Variants in ERC2 observed in about 807,000 individuals in gnomAD.
ERC2 encodes ERC protein 2.
A neutral mutation model predicts 114.8 loss-of-function variants in ERC2; 42 were observed. The observed-to-expected ratio is 0.37, with a 90% CI of 0.29 to 0.47. The LOEUF is 0.47. ERC2 is among the 20% of genes least tolerant of loss of function. The probability of loss-of-function intolerance (pLI) is 0.99; values close to 1 mark genes in which losing one functional copy is unlikely to be tolerated. For synonymous variants in ERC2, 454 were observed against 425.5 expected (o/e 1.07, Z -0.82); for missense variants, 939 against 1,150.7 (o/e 0.82, Z 2.66).
At chr3:56,092,208 T>G (rs1340029201) in intron 6 of ERC2, among the ~76,000 whole-genome samples, 1 of 152,172 alleles carries the variant, frequency 6.6e-6, no homozygotes, top group African/African-American at 2.4e-5. Context: ...CAGTCGAGAT[T>G]TTCAGGTTGT....
At chr3:55,728,612 A>T (rs192133708) in intron 15 of ERC2, among the ~76,000 whole-genome samples, 283 of 152,298 alleles carry the variant, frequency 1.9e-3, no homozygotes, top group Admixed American at 4.7e-3. Context: ...TGATGAGTGT[A>T]ACCTGAGATT....
At chr3:56,224,056 T>A (rs1484902665) in intron 3 of ERC2, among the ~76,000 whole-genome samples, 1 of 152,242 alleles carries the variant, frequency 6.6e-6, no homozygotes, top group Admixed American at 6.5e-5. Flanking sequence ...TATATTCATA[T>A]ACTCACAGAG....
Position 56,272,818 on chromosome 3 carries a change from C to T in ERC2, c.1074+23201G>A, listed in dbSNP as rs573413215. Among the ~76,000 whole-genome samples, 10 of 152,260 alleles carry T rather than the reference C, an allele frequency of 6.6e-5. No homozygotes were observed. In the South Asian group the frequency reaches 2.1e-3, roughly 32 times the overall value. ...AGGTAAAAATGGGTAACTGCAGGAA[C>T]ATGTCTCAACCAAAGACCTAACACT... On this transcript the variant is annotated intron_variant, in intron 3 of 17. Coordinates refer to ENST00000288221, the MANE Select transcript of ERC2 (RefSeq NM_015576.3).
At chr3:56,390,036 C>A (rs1293289081) in intron 2 of ERC2, among the ~76,000 whole-genome samples, 1 of 152,036 alleles carries the variant, frequency 6.6e-6, no homozygotes, top group East Asian at 1.9e-4. Flanking sequence ...TTTTTCCATT[C>A]TAAACCAGTG....
At chr3:55,653,800 G>A (rs995674507) in intron 17 of ERC2, among the ~76,000 whole-genome samples, 1 of 152,172 alleles carries the variant, frequency 6.6e-6, no homozygotes, top group African/African-American at 2.4e-5. Flanking sequence ...GGCAGTCCAA[G>A]TCACTATTGG....
At chr3:56,396,127 G>A (rs1164703528) in intron 2 of ERC2, among the ~76,000 whole-genome samples, 1 of 152,168 alleles carries the variant, frequency 6.6e-6, no homozygotes, top group East Asian at 1.9e-4. Context: ...CAACCATTTG[G>A]AAGGCAATTT....
chr3:56,001,690 C>A (rs1560003851), intron 10 of ERC2, among the ~76,000 whole-genome samples: 1 of 152,068 alleles, frequency 6.6e-6, no homozygotes, highest in Non-Finnish European at 1.5e-5. Flanking sequence ...TTTGGTCCTA[C>A]CTATCCTGAC....
chr3:55,991,922 G>T, intron 11 of ERC2, 135 bp downstream of exon 11: 1 of 730,058 alleles, frequency 1.4e-6, no homozygotes, highest in Non-Finnish European at 2.3e-6. Context: ...TCTTTCACAG[G>T]CCATATTCCT....
intron 3 of ERC2, among the ~76,000 whole-genome samples, chr3:56,241,636 G>C (rs1269719918): frequency 1.3e-5 from 2 of 152,070 alleles, no homozygotes; most frequent in African/African-American, 4.8e-5. Flanking sequence ...ATAGATCATA[G>C]AGCTATACAT....
chr3:56,020,563 A>G (rs1274423001), intron 7 of ERC2, among the ~76,000 whole-genome samples: 1 of 152,218 alleles, frequency 6.6e-6, no homozygotes. Flanking sequence ...ATAAGTAAGA[A>G]TATGGATGGT....
At chr3:56,019,716 G>C (rs576649420) in intron 7 of ERC2, among the ~76,000 whole-genome samples, 3 of 152,088 alleles carry the variant, frequency 2.0e-5, no homozygotes, top group Admixed American at 6.6e-5. Flanking sequence ...AAATAAACAC[G>C]CCAAATAGCC....
intron 3 of ERC2, among the ~76,000 whole-genome samples, chr3:56,218,785 T>C (rs13092369): frequency 0.45 from 68,933 of 151,884 alleles, 16,092 homozygotes; most frequent in East Asian, 0.71. Flanking sequence ...GTGGCACATA[T>C]ACACCATGGA....
At chr3:55,931,468 T>C (rs571102736) in intron 13 of ERC2, among the ~76,000 whole-genome samples, 19 of 152,280 alleles carry the variant, frequency 1.2e-4, no homozygotes, top group African/African-American at 4.6e-4. Flanking sequence ...TGGATGAAGC[T>C]GGAAACGATC....
chr3:55,762,434 C>T (rs2067506572), intron 14 of ERC2, among the ~76,000 whole-genome samples: 1 of 152,330 alleles, frequency 6.6e-6, no homozygotes, highest in Non-Finnish European at 1.5e-5. Context: ...ATATTTGACA[C>T]ATGTGTGTTC....
At chr3:56,330,994 A>G (rs1228531596) in intron 2 of ERC2, among the ~76,000 whole-genome samples, 2 of 152,176 alleles carry the variant, frequency 1.3e-5, no homozygotes, top group Non-Finnish European at 2.9e-5. Context: ...ACATCCAGCA[A>G]TTGTGATTCC....
chr3:55,920,123 A>G (rs926656069), intron 13 of ERC2, among the ~76,000 whole-genome samples: 1 of 152,106 alleles, frequency 6.6e-6, no homozygotes, highest in African/African-American at 2.4e-5. Context: ...TTTGGAGAGG[A>G]TTCTCTTTGA....
chr3:56,357,982 T>C (rs2058809044), intron 2 of ERC2, among the ~76,000 whole-genome samples: 3 of 151,664 alleles, frequency 2.0e-5, no homozygotes, highest in Admixed American at 2.0e-4. Context: ...TCTGCCCTAA[T>C]TGTGCAAATA....
At chr3:55,675,090 A>T (rs771866518) in intron 17 of ERC2, among the ~76,000 whole-genome samples, 1 of 151,874 alleles carries the variant, frequency 6.6e-6, no homozygotes, top group Non-Finnish European at 1.5e-5. Flanking sequence ...TCCCAATTTT[A>T]CTCCACTCAA....
intron 2 of ERC2, among the ~76,000 whole-genome samples, chr3:56,411,464 C>A (rs949322780): frequency 1.3e-5 from 2 of 151,774 alleles, no homozygotes; most frequent in African/African-American, 4.8e-5. Context: ...ATTTAGATAC[C>A]CTAATTTAAA....
Sources: allele counts gnomAD v4.1 joint callset (sites outside exome capture counted in the v4.1 genomes callset), GRCh38; gene constraint gnomAD v4.1.1; transcripts MANE v1.5; gene names NCBI Gene and HGNC (gene_info 2026-07-23, HGNC 2026-07-21).